The following CHLSN variants were observed in gnomAD, a reference collection of about 807,000 sequenced individuals.
The protein encoded by CHLSN is cholesin.
the CHLSN span, among the ~76,000 whole-genome samples, chr7:1,112,499 G>A: frequency 2.0e-5 from 3 of 152,194 alleles, no homozygotes; most frequent in African/African-American, 7.2e-5. Flanking sequence ...CAGGGTGAAC[G>A]AGCCTCCTCG....
the CHLSN span, among the ~76,000 whole-genome samples, chr7:1,113,337 G>A: frequency 8.5e-5 from 13 of 152,290 alleles, no homozygotes; most frequent in African/African-American, 3.1e-4. Context: ...CTGTCCCCCA[G>A]CAACCAATGC....
chr7:1,050,976 G>A, the CHLSN span, among the ~76,000 whole-genome samples: 1 of 152,256 alleles, frequency 6.6e-6, no homozygotes, highest in Non-Finnish European at 1.5e-5. Flanking sequence ...AGAGGGGGAT[G>A]GACAGATTGG....
the CHLSN span, chr7:987,232 C>A: frequency 6.5e-7 from 1 of 1,533,456 alleles, no homozygotes; most frequent in Non-Finnish European, 8.8e-7. Context: ...TGGGCCGGCA[C>A]CCGGACGTGC....
chr7:1,100,014 T>C, the CHLSN span, among the ~76,000 whole-genome samples: 2 of 152,156 alleles, frequency 1.3e-5, no homozygotes, highest in African/African-American at 4.8e-5. Context: ...AATCCACTTC[T>C]CATTTAAGAG....
the CHLSN span, among the ~76,000 whole-genome samples, chr7:1,027,737 C>G: frequency 1.3e-5 from 2 of 152,244 alleles, no homozygotes; most frequent in Non-Finnish European, 2.9e-5. Flanking sequence ...TCCGAGCGCC[C>G]GACGGGGTCC....
chr7:1,038,998 G>A, the CHLSN span, among the ~76,000 whole-genome samples: 243 of 71,762 alleles, frequency 3.4e-3, 7 homozygotes, highest in African/African-American at 0.013. Flanking sequence ...CGCCCCGTCC[G>A]GGAGGGAGGT....
the CHLSN span, among the ~76,000 whole-genome samples, chr7:1,032,928 G>A: frequency 6.6e-6 from 1 of 152,186 alleles, no homozygotes; most frequent in Non-Finnish European, 1.5e-5. Context: ...TACCCTGCCC[G>A]GATACCCCCT....
the CHLSN span, among the ~76,000 whole-genome samples, chr7:1,004,508 C>A: frequency 3.9e-5 from 6 of 152,146 alleles, no homozygotes; most frequent in Non-Finnish European, 8.8e-5. Context: ...GGCCCTGAAC[C>A]AAGGGCGCCT....
At chr7:1,033,067 T>TA in the CHLSN span, among the ~76,000 whole-genome samples, 1 of 152,200 alleles carries the variant, frequency 6.6e-6, no homozygotes, top group South Asian at 2.1e-4. Flanking sequence ...ACTACCTCGA[T>TA]ACGAGGGAAC....
chr7:992,069 T>A, the CHLSN span, among the ~76,000 whole-genome samples: 3 of 152,164 alleles, frequency 2.0e-5, no homozygotes, highest in Non-Finnish European at 4.4e-5. Flanking sequence ...ATCCACCCCA[T>A]GGTGCCCAGA....
chr7:1,103,263 G>A, the CHLSN span, among the ~76,000 whole-genome samples: 1 of 152,234 alleles, frequency 6.6e-6, no homozygotes, highest in Non-Finnish European at 1.5e-5. Context: ...TGCTGGGCAA[G>A]GACGAAAGCT....
the CHLSN span, among the ~76,000 whole-genome samples, chr7:1,113,145 C>A: frequency 1.3e-5 from 2 of 152,042 alleles, no homozygotes; most frequent in Admixed American, 1.3e-4. Context: ...GGACTCTGGA[C>A]GAGCTCTGTG....
the CHLSN span, among the ~76,000 whole-genome samples, chr7:993,728 G>A: frequency 1.3e-5 from 2 of 152,316 alleles, no homozygotes; most frequent in South Asian, 4.2e-4. Flanking sequence ...AGCGAGCAGA[G>A]CTCATGCCAC....
chr7:985,269 C>T, the CHLSN span: 5 of 1,551,828 alleles, frequency 3.2e-6, no homozygotes, highest in Non-Finnish European at 3.5e-6. Flanking sequence ...TGTTTGTGTC[C>T]CTGCTGGGTC....
chr7:1,002,847 G>T, the CHLSN span, among the ~76,000 whole-genome samples: 1 of 90,150 alleles, frequency 1.1e-5, no homozygotes. Flanking sequence ...CCTGCGGGTG[G>T]GGAGTCCTGT....
chr7:1,030,536 G>C, the CHLSN span, among the ~76,000 whole-genome samples: 6 of 152,204 alleles, frequency 3.9e-5, no homozygotes, highest in Non-Finnish European at 4.4e-5. Flanking sequence ...CCTGCTCTTT[G>C]CACTTCACAG....
chr7:1,093,379 C>A, the CHLSN span: 1 of 438,218 alleles, frequency 2.3e-6, no homozygotes, highest in Non-Finnish European at 4.8e-6. Context: ...TAGCGCACCG[C>A]CGAGTTAAAG....
the CHLSN span, among the ~76,000 whole-genome samples, chr7:1,100,169 G>A: frequency 2.0e-5 from 3 of 152,198 alleles, no homozygotes; most frequent in African/African-American, 7.2e-5. Flanking sequence ...AAGCAGGTGC[G>A]TTCTCCTGTC....
the CHLSN span, among the ~76,000 whole-genome samples, chr7:1,004,548 T>C: frequency 6.6e-6 from 1 of 152,132 alleles, no homozygotes; most frequent in African/African-American, 2.4e-5. Flanking sequence ...CCAGGCAGAC[T>C]TCAAGCCAAG....
Sources: gnomAD v4.1 joint callset for allele counts (sites outside exome capture counted in the v4.1 genomes callset) on GRCh38, gnomAD v4.1.1 for gene constraint, MANE v1.5 for transcripts, NCBI Gene and HGNC (gene_info 2026-07-23, HGNC 2026-07-21) for gene names.